The following GPC6 variants were observed in gnomAD, a reference collection of about 807,000 sequenced individuals.
The protein encoded by GPC6 is glypican 6.
GPC6 carries 14 observed loss-of-function variants against 55.2 expected under a neutral mutation model. The observed-to-expected ratio is 0.25, with a 90% CI of 0.17 to 0.40. GPC6 has a LOEUF of 0.40. Ranked by LOEUF, GPC6 falls within the 10% of genes least tolerant of loss-of-function variation. GPC6 has a pLI of 1.00. For synonymous variants in GPC6, 278 were observed against 259.6 expected (o/e 1.07, Z -0.68); for missense variants, 641 against 708.5 (o/e 0.90, Z 1.08).
At chr13:94,396,528 C>T (rs182091916) in intron 7 of GPC6, among the ~76,000 whole-genome samples, 14 of 152,332 alleles carry the variant, frequency 9.2e-5, no homozygotes, top group Middle Eastern at 3.4e-3. Context: ...GTGCAGTGCA[C>T]GAAATGCCCA....
At position 94,027,749 on chromosome 13, in the gene GPC6, T is replaced by C. The variant is rs1462122296; in HGVS notation, c.732T>C (p.Cys244=). ...RVSKVSPTPG[C]IRALMKMLYC... ...TGCAGGTCAGCCCAACCCCAGGGTGTATCCGTGCCCTCATGAAGATGCTGT... is the reference window on the plus strand; with the variant it reads ...TGCAGGTCAGCCCAACCCCAGGGTGCATCCGTGCCCTCATGAAGATGCTGT... Residue 244 remains cysteine, a synonymous_variant, in exon 4 of 9, where the codon TGT becomes TGC. Coordinates refer to ENST00000377047, the MANE Select transcript of GPC6 (RefSeq NM_005708.5). 6.2e-7 allele frequency: 1 copy of C among 1,614,142 alleles called. No homozygotes were observed. Among genetic ancestry groups the C allele is most frequent in the South Asian group, 1.1e-5 (1 of 91,076 alleles).
At chr13:93,960,016 C>T (rs1002710155) in intron 3 of GPC6, among the ~76,000 whole-genome samples, 13 of 152,112 alleles carry the variant, frequency 8.5e-5, no homozygotes, top group African/African-American at 2.7e-4. Context: ...TGGTAATCTC[C>T]CTCACCCTCA....
intron 1 of GPC6, among the ~76,000 whole-genome samples, chr13:93,369,806 A>G (rs1229460365): frequency 6.6e-6 from 1 of 152,180 alleles, no homozygotes; most frequent in Non-Finnish European, 1.5e-5. Flanking sequence ...AAAAGCTTCA[A>G]TCAACTTTTA....
At chr13:94,402,218 G>T (rs1881167794) in intron 8 of GPC6, among the ~76,000 whole-genome samples, 1 of 152,140 alleles carries the variant, frequency 6.6e-6, no homozygotes. Context: ...CCTATTTGTA[G>T]AACTTGTTTT....
chr13:94,216,141 A>G (rs2138995290), intron 4 of GPC6, among the ~76,000 whole-genome samples: 1 of 152,256 alleles, frequency 6.6e-6, no homozygotes, highest in Middle Eastern at 3.4e-3. Flanking sequence ...TGCATTCCTC[A>G]TTGTATTCAT....
intron 6 of GPC6, among the ~76,000 whole-genome samples, chr13:94,342,244 T>C (rs1041080467): frequency 1.3e-5 from 2 of 152,260 alleles, no homozygotes; most frequent in African/African-American, 2.4e-5. Context: ...CAAAAAGATA[T>C]GTCGAAGTCC....
chr13:94,201,993 G>T (rs1395401363), intron 4 of GPC6, among the ~76,000 whole-genome samples: 2 of 152,118 alleles, frequency 1.3e-5, no homozygotes, highest in Non-Finnish European at 2.9e-5. Context: ...CTAAATAGGA[G>T]AAAAACCTTG....
At chr13:94,379,499 T>C (rs148231963) in intron 6 of GPC6, among the ~76,000 whole-genome samples, 1 of 152,140 alleles carries the variant, frequency 6.6e-6, no homozygotes, top group African/African-American at 2.4e-5. Context: ...CGCGACGGGC[T>C]CCTCACTTAG....
rs560776174 is a variant in GPC6 at position 93,334,763 on chromosome 13, G to A, written c.160+107147G>A. 3.9e-5 allele frequency among the ~76,000 whole-genome samples: 6 copies of A among 152,148 alleles called. No individual in the cohort carries two copies. The East Asian group carries it at 5.8e-4, about 15-fold the overall frequency. ...ATTGCAGGCGTGAGCCACTGTGCCT[G>A]GCCTATTGATTCTTCTTCACTGAAA... On this transcript the variant is annotated intron_variant, in intron 1 of 8. Transcript: ENST00000377047.
intron 4 of GPC6, among the ~76,000 whole-genome samples, chr13:94,225,668 CACAT>C (rs1890531885): frequency 2.1e-5 from 2 of 97,494 alleles, no homozygotes; most frequent in African/African-American, 7.1e-5. Flanking sequence ...GTAAAGTATA[CACAT>C]ATATATATAT....
At chr13:94,131,335 A>G (rs1452303940) in intron 4 of GPC6, among the ~76,000 whole-genome samples, 1 of 152,162 alleles carries the variant, frequency 6.6e-6, no homozygotes, top group Non-Finnish European at 1.5e-5. Context: ...AAAAAATAAA[A>G]TAAATATTTT....
chr13:93,607,471 G>C (rs575160068), intron 2 of GPC6, among the ~76,000 whole-genome samples: 1 of 152,248 alleles, frequency 6.6e-6, no homozygotes, highest in African/African-American at 2.4e-5. Flanking sequence ...AAAGGGCCTT[G>C]CCCCACATCC....
intron 1 of GPC6, among the ~76,000 whole-genome samples, chr13:93,429,442 A>G (rs1877274479): frequency 6.6e-6 from 1 of 152,114 alleles, no homozygotes; most frequent in South Asian, 2.1e-4. Context: ...GCTTTTTGGG[A>G]TAGTCCAGTG....
At chr13:93,723,281 G>A (rs891564283) in intron 2 of GPC6, among the ~76,000 whole-genome samples, 3 of 151,910 alleles carry the variant, frequency 2.0e-5, no homozygotes, top group Admixed American at 6.6e-5. Context: ...GAGCATCCAG[G>A]ATGCATTACT....
At chr13:93,935,266 A>G (rs1878378125) in intron 3 of GPC6, among the ~76,000 whole-genome samples, 1 of 151,988 alleles carries the variant, frequency 6.6e-6, no homozygotes, top group Admixed American at 6.6e-5. Flanking sequence ...GCCCCCTCCC[A>G]TCCTCCCCAC....
At chr13:93,735,217 C>T (rs1417412958) in intron 2 of GPC6, among the ~76,000 whole-genome samples, 1 of 152,032 alleles carries the variant, frequency 6.6e-6, no homozygotes, top group Non-Finnish European at 1.5e-5. Context: ...GTTTCTGTAC[C>T]CAGGACTCCA....
chr13:93,667,705 GGTGTAAAC>G (rs944276525), intron 2 of GPC6, among the ~76,000 whole-genome samples: 3 of 148,120 alleles, frequency 2.0e-5, no homozygotes, highest in African/African-American at 7.7e-5. Context: ...TGGGATTATA[GGTGTAAAC>G]CACCACACCC....
intron 1 of GPC6, among the ~76,000 whole-genome samples, chr13:93,291,497 G>C (rs926280631): frequency 6.6e-6 from 1 of 151,954 alleles, no homozygotes; most frequent in African/African-American, 2.4e-5. Context: ...CAACCTCTTC[G>C]TTATGTATTT....
At chr13:93,824,759 T>G (rs934715909) in intron 2 of GPC6, among the ~76,000 whole-genome samples, 1 of 152,060 alleles carries the variant, frequency 6.6e-6, no homozygotes, top group Non-Finnish European at 1.5e-5. Context: ...GTGGGATCTT[T>G]CTTTCTCTGA....
Sources: allele counts gnomAD v4.1 joint callset (sites outside exome capture counted in the v4.1 genomes callset), GRCh38; gene constraint gnomAD v4.1.1; transcripts MANE v1.5; gene names NCBI Gene and HGNC (gene_info 2026-07-23, HGNC 2026-07-21).